Variants in HEMK2 observed in about 807,000 individuals in gnomAD.
HEMK2 encodes the protein HemK methyltransferase 2, ETF1 glutamine and histone H4 lysine.
At chr21:28,778,123 T>C in the HEMK2 span, among the ~76,000 whole-genome samples, 1 of 152,184 alleles carries the variant, frequency 6.6e-6, no homozygotes, top group Non-Finnish European at 1.5e-5. Flanking sequence ...CACTCACCTC[T>C]TTACCCCACC....
the HEMK2 span, among the ~76,000 whole-genome samples, chr21:28,842,264 A>G: frequency 2.6e-5 from 4 of 152,100 alleles, no homozygotes; most frequent in African/African-American, 9.7e-5. Context: ...ATATAAAATT[A>G]TATCTTATTA....
At chr21:28,671,254 G>T in the HEMK2 span, 1 of 152,186 alleles carries the variant, frequency 6.6e-6, no homozygotes, top group Non-Finnish European at 1.5e-5. Context: ...TCACGTCTTC[G>T]AAAGAAAGTG....
the HEMK2 span, among the ~76,000 whole-genome samples, chr21:28,619,134 A>G: frequency 6.6e-6 from 1 of 152,186 alleles, no homozygotes; most frequent in Admixed American, 6.5e-5. Context: ...TGCCAAGGAG[A>G]GAAGCCTGGA....
the HEMK2 span, among the ~76,000 whole-genome samples, chr21:28,591,693 C>G: frequency 6.6e-6 from 1 of 152,084 alleles, no homozygotes; most frequent in Non-Finnish European, 1.5e-5. Flanking sequence ...TGATCCTCTC[C>G]CTTTTCCCAC....
the HEMK2 span, among the ~76,000 whole-genome samples, chr21:28,576,836 G>A: frequency 2.0e-5 from 3 of 152,060 alleles, no homozygotes; most frequent in Admixed American, 6.6e-5. Flanking sequence ...TCCACCTCTC[G>A]AGTAGCTGGG....
At chr21:28,881,961 T>C in the HEMK2 span, among the ~76,000 whole-genome samples, 3 of 152,224 alleles carry the variant, frequency 2.0e-5, no homozygotes, top group Non-Finnish European at 2.9e-5. Flanking sequence ...TTAAGCCAGT[T>C]TGAACTGGGT....
chr21:28,864,848 T>C, the HEMK2 span, among the ~76,000 whole-genome samples: 365 of 121,856 alleles, frequency 3.0e-3, 3 homozygotes, highest in African/African-American at 0.01. Context: ...GATAGATAGA[T>C]AGATAGATAG....
At chr21:28,801,696 G>C in the HEMK2 span, among the ~76,000 whole-genome samples, 1 of 152,104 alleles carries the variant, frequency 6.6e-6, no homozygotes, top group Admixed American at 6.5e-5. Context: ...TAGAGAAAAA[G>C]AGTATAAGAT....
chr21:28,731,176 G>C, the HEMK2 span, among the ~76,000 whole-genome samples: 1 of 152,154 alleles, frequency 6.6e-6, no homozygotes, highest in Admixed American at 6.5e-5. Context: ...AAATCGAAAG[G>C]AGCATTAGTA....
the HEMK2 span, among the ~76,000 whole-genome samples, chr21:28,767,116 T>C: frequency 1.3e-5 from 2 of 152,022 alleles, no homozygotes; most frequent in South Asian, 2.1e-4. Context: ...CTGATGGTTA[T>C]AAAAAGGGGA....
the HEMK2 span, among the ~76,000 whole-genome samples, chr21:28,748,538 T>C: frequency 6.6e-6 from 1 of 152,186 alleles, no homozygotes; most frequent in Non-Finnish European, 1.5e-5. Flanking sequence ...TTCCCTCAAG[T>C]TACTTTTGAA....
At chr21:28,620,660 C>CTTTTTTTTT in the HEMK2 span, among the ~76,000 whole-genome samples, 274 of 49,648 alleles carry the variant, frequency 5.5e-3, 53 homozygotes, top group African/African-American at 8.1e-3. Flanking sequence ...TCTCTCTTTT[C>CTTTTTTTTT]TTTTTTTTTT....
chr21:28,831,662 AGAAAGAAAGAAAGAAAGAAAGAAGGAAG>A, the HEMK2 span, among the ~76,000 whole-genome samples: 7 of 54,352 alleles, frequency 1.3e-4, no homozygotes, highest in Non-Finnish European at 1.4e-4. Context: ...AAAGAAAGAA[AGAAAGAAAGAAAGAAAGAAAGAAGGAAG>A]GAAGGAAGGA....
the HEMK2 span, among the ~76,000 whole-genome samples, chr21:28,833,732 G>A: frequency 2.6e-5 from 4 of 152,208 alleles, no homozygotes; most frequent in Admixed American, 2.6e-4. Context: ...GTTTGGACAA[G>A]GCCAGGCAAG....
chr21:28,724,265 C>T, the HEMK2 span, among the ~76,000 whole-genome samples: 4 of 152,206 alleles, frequency 2.6e-5, no homozygotes, highest in East Asian at 7.7e-4. Flanking sequence ...CTCATATTCT[C>T]ACTGGCAGAA....
At chr21:28,807,934 A>T in the HEMK2 span, among the ~76,000 whole-genome samples, 1 of 152,124 alleles carries the variant, frequency 6.6e-6, no homozygotes, top group African/African-American at 2.4e-5. Flanking sequence ...AGGTGATGTG[A>T]AAGAGTCTTC....
chr21:28,634,935 C>T, the HEMK2 span, among the ~76,000 whole-genome samples: 651 of 152,044 alleles, frequency 4.3e-3, 2 homozygotes, highest in Middle Eastern at 6.8e-3. Flanking sequence ...AGAGTTAAAG[C>T]CAGGAAAGAC....
At chr21:28,823,476 TTTG>T in the HEMK2 span, among the ~76,000 whole-genome samples, 1 of 152,184 alleles carries the variant, frequency 6.6e-6, no homozygotes, top group Non-Finnish European at 1.5e-5. Flanking sequence ...GCTGGTGCTT[TTTG>T]TTGTTGTTGT....
the HEMK2 span, among the ~76,000 whole-genome samples, chr21:28,799,981 A>G: frequency 6.6e-6 from 1 of 152,224 alleles, no homozygotes; most frequent in African/African-American, 2.4e-5. Context: ...GCATTTTCCA[A>G]GAACACTCAA....
Sources: allele counts gnomAD v4.1 joint callset (sites outside exome capture counted in the v4.1 genomes callset), GRCh38; gene constraint gnomAD v4.1.1; transcripts MANE v1.5; gene names NCBI Gene and HGNC (gene_info 2026-07-23, HGNC 2026-07-21).